The following PTPRQ variants were observed in gnomAD, a reference collection of about 807,000 sequenced individuals.
The protein encoded by PTPRQ is phosphatidylinositol phosphatase PTPRQ.
In PTPRQ, 199 loss-of-function variants were observed where a neutral mutation model predicts 246.0. The observed-to-expected ratio is 0.81, with a 90% CI of 0.72 to 0.91. PTPRQ has a LOEUF of 0.91. Among genes scored for constraint, PTPRQ ranks in the 40% least tolerant of loss-of-function variants. The pLI is 0.00. For synonymous variants in PTPRQ, 869 were observed against 853.2 expected, an observed-to-expected ratio of 1.02 and a Z score of -0.32; for missense variants, 2,624 against 2,528.4, an observed-to-expected ratio of 1.04 and a Z score of -0.81.
intron 16 of PTPRQ, among the ~76,000 whole-genome samples, chr12:80,509,141 GC>G (rs1010991315): frequency 9.9e-5 from 15 of 151,954 alleles, no homozygotes; most frequent in African/African-American, 3.4e-4. Context: ...TTATTATAGT[GC>G]CAGTGAAAAT....
chr12:80,666,764 T>C (rs139555063), intron 39 of PTPRQ, among the ~76,000 whole-genome samples: 1 of 152,118 alleles, frequency 6.6e-6, no homozygotes, highest in Non-Finnish European at 1.5e-5. Flanking sequence ...TTTGGAGTCG[T>C]TATTGATTTC....
intron 8 of PTPRQ, among the ~76,000 whole-genome samples, chr12:80,477,264 T>G (rs1893840729): frequency 6.6e-6 from 1 of 152,162 alleles, no homozygotes; most frequent in Non-Finnish European, 1.5e-5. Context: ...TGTAATAAAT[T>G]AAAACGCAGT....
chr12:80,541,599 T>G lies in PTPRQ; in HGVS notation c.3199T>G (p.Ser1067Ala), dbSNP rs1896153784. The change falls in exon 21 of 45, where the codon TCA (serine) becomes GCA (alanine). Residue 1067 changes from serine to alanine, a missense_variant. Physicochemically the swap from Ser to Ala is moderately conservative, Grantham distance 99. Transcript: ENST00000644991. ...VGNLTYESIS[S>A]TAINVSWVPP... Reference sequence around the variant, plus strand: ...AAACCTGACTTACGAATCCATTTCGTCAACTGCAATAAATGTAAGCTGGGT... The same window carrying G: ...AAACCTGACTTACGAATCCATTTCGGCAACTGCAATAAATGTAAGCTGGGT... 2.6e-6 allele frequency: 4 copies of G among 1,540,388 alleles called. No homozygotes were observed. Among genetic ancestry groups the G allele is most frequent in the Non-Finnish European group, 3.5e-6 (4 of 1,141,422 alleles).
At chr12:80,544,678 A>G (rs146540485) in intron 23 of PTPRQ, among the ~76,000 whole-genome samples, 85 of 152,098 alleles carry the variant, frequency 5.6e-4, no homozygotes, top group Admixed American at 1.4e-3. Context: ...TCTAGTTACT[A>G]TATCTGCTTT....
chr12:80,637,276 C>T (rs1178704), intron 35 of PTPRQ, among the ~76,000 whole-genome samples: 18,320 of 151,902 alleles, frequency 0.12, 1,596 homozygotes, highest in African/African-American at 0.24. Flanking sequence ...AAGGAATGTA[C>T]AGATTGTTTA....
At chr12:80,462,953 A>G (rs535708092) in intron 6 of PTPRQ, among the ~76,000 whole-genome samples, 1 of 152,054 alleles carries the variant, frequency 6.6e-6, no homozygotes, top group African/African-American at 2.4e-5. Context: ...TCTAAAAAGC[A>G]GAGCACCTCT....
chr12:80,501,942 C>CAAAAA (rs10679738), intron 14 of PTPRQ, among the ~76,000 whole-genome samples: 4,282 of 147,828 alleles, frequency 0.029, 130 homozygotes, highest in African/African-American at 0.076. Context: ...GTATGATAGG[C>CAAAAA]AAAAAAAAAT....
chr12:80,505,628 GCT>G (rs1894932228), intron 14 of PTPRQ, among the ~76,000 whole-genome samples: 1 of 151,806 alleles, frequency 6.6e-6, no homozygotes, highest in Non-Finnish European at 1.5e-5. Context: ...CACAGACCTT[GCT>G]GTCGACCAAA....
intron 26 of PTPRQ, among the ~76,000 whole-genome samples, chr12:80,595,988 G>A (rs2121048904): frequency 6.6e-6 from 1 of 152,138 alleles, no homozygotes; most frequent in African/African-American, 2.4e-5. Context: ...ATTTCAAACA[G>A]TGAAGGAAAA....
At chr12:80,545,609 T>C (rs1242982986) in intron 23 of PTPRQ, among the ~76,000 whole-genome samples, 3 of 151,752 alleles carry the variant, frequency 2.0e-5, no homozygotes, top group Admixed American at 2.0e-4. Context: ...GAAAGCGTAT[T>C]CCTCCTTGGG....
chr12:80,466,387 C>G (rs1475244867), intron 6 of PTPRQ, among the ~76,000 whole-genome samples: 1 of 152,162 alleles, frequency 6.6e-6, no homozygotes, highest in African/African-American at 2.4e-5. Context: ...ACATTCCATG[C>G]TCATGGGTAG....
chr12:80,543,843 T>C (rs1258161376), intron 23 of PTPRQ, among the ~76,000 whole-genome samples: 2 of 152,142 alleles, frequency 1.3e-5, no homozygotes, highest in East Asian at 3.9e-4. Context: ...CCCAGAGGTG[T>C]GAAATAACAT....
chr12:80,566,643 G>C (rs971624236), intron 25 of PTPRQ, among the ~76,000 whole-genome samples: 1 of 151,734 alleles, frequency 6.6e-6, no homozygotes, highest in Non-Finnish European at 1.5e-5. Context: ...GGGCTCAAGC[G>C]ATCATCCTGC....
At chr12:80,536,444 A>G (rs1232749180) in intron 19 of PTPRQ, among the ~76,000 whole-genome samples, 2 of 152,228 alleles carry the variant, frequency 1.3e-5, no homozygotes, top group African/African-American at 2.4e-5. Context: ...GGAGAAAGAC[A>G]AAGTCCAGAA....
In PTPRQ at chr12:80,545,500, C is replaced by T. The variant is rs1264945545; in HGVS notation, c.3874-1056C>T. Among the ~76,000 whole-genome samples the T allele has an allele frequency of 6.6e-5, 10 of 151,970 alleles. 1 individual carries two copies. In the East Asian group the frequency reaches 1.9e-3, roughly 29 times the overall value. ...TATATCACATAGGAGATTATCTTCT[C>T]TTTCCATGAGGATAGCTGATTAATC... On this transcript the variant is annotated intron_variant, in intron 23 of 44. Coordinates refer to ENST00000644991, the MANE Select transcript of PTPRQ (RefSeq NM_001145026.2).
Position 80,495,322 on chromosome 12 carries a change from A to G in PTPRQ, c.1833A>G (p.Thr611=), listed in dbSNP as rs888742607. Residue 611 remains threonine, a synonymous_variant, in exon 12 of 45, where the codon ACA becomes ACG. Transcript: ENST00000644991. ...CGATTTATGCAATGGAATTGGATAC[A>G]AACAGAGCATTCCAGATAACTACCA... ...HYTIYAMELD[T]NRAFQITTID... is the part of the protein sequence containing the mutation. 1 of 1,541,378 alleles carries G rather than the reference A, an allele frequency of 6.5e-7. No individual in the cohort carries two copies. The highest frequency in any genetic ancestry group is 2.1e-5 in the Admixed American group (1 of 48,620).
At chr12:80,548,369 T>G (rs1298710891) in intron 24 of PTPRQ, among the ~76,000 whole-genome samples, 1 of 152,152 alleles carries the variant, frequency 6.6e-6, no homozygotes, top group African/African-American at 2.4e-5. Flanking sequence ...TCTTATATGA[T>G]TCTGAAAACA....
At chr12:80,516,263 G>A (rs550509897) in intron 17 of PTPRQ, among the ~76,000 whole-genome samples, 2 of 152,216 alleles carry the variant, frequency 1.3e-5, no homozygotes, top group East Asian at 3.9e-4. Context: ...AAATTTAACA[G>A]TAGTTTTCTT....
At chr12:80,619,646 C>T (rs1048282876) in intron 31 of PTPRQ, 104 bp downstream of exon 31, 2 of 897,208 alleles carry the variant, frequency 2.2e-6, no homozygotes, top group African/African-American at 1.7e-5. Flanking sequence ...TTATCACACA[C>T]CTCTTGAGAT....
Sources: gnomAD v4.1 joint callset for allele counts (sites outside exome capture counted in the v4.1 genomes callset) on GRCh38, gnomAD v4.1.1 for gene constraint, MANE v1.5 for transcripts, NCBI Gene and HGNC (gene_info 2026-07-23, HGNC 2026-07-21) for gene names.